EREG: variants seen among roughly 807,000 people sequenced by gnomAD.
EREG encodes the protein epiregulin, also known as proepiregulin.
EREG carries 23 observed loss-of-function variants against 22.4 expected under a neutral mutation model. The observed-to-expected ratio is 1.03, with a 90% CI of 0.74 to 1.46. EREG has a LOEUF of 1.46. Ranked by LOEUF, EREG falls within the 40% of genes most tolerant of loss-of-function variation. EREG has a pLI of 0.00. For missense variants in EREG, 226 were observed against 205.9 expected, an observed-to-expected ratio of 1.10 and a Z score of -0.60; for synonymous variants, 100 against 75.4, an observed-to-expected ratio of 1.33 and a Z score of -1.69.
At chr4:74,375,089 T>C (rs1040755190) in intron 1 of EREG, among the ~76,000 whole-genome samples, 1 of 152,122 alleles carries the variant, frequency 6.6e-6, no homozygotes, top group African/African-American at 2.4e-5. Context: ...TTGACATAGA[T>C]ACTATCTAAA....
chr4:74,379,891 A>G (rs1004244998), intron 2 of EREG, among the ~76,000 whole-genome samples: 5 of 152,170 alleles, frequency 3.3e-5, no homozygotes, highest in African/African-American at 4.8e-5. Context: ...CTTTGTACAG[A>G]ATAGGTTCTC....
chr4:74,378,102 TCAAC>T (rs1486307245), intron 1 of EREG, among the ~76,000 whole-genome samples: 2 of 152,192 alleles, frequency 1.3e-5, no homozygotes, highest in Non-Finnish European at 2.9e-5. Flanking sequence ...CTTAGCTACT[TCAAC>T]GAAACAGGTT....
chr4:74,370,312 T>C (rs1333523958), intron 1 of EREG, among the ~76,000 whole-genome samples: 1 of 152,224 alleles, frequency 6.6e-6, no homozygotes, highest in Non-Finnish European at 1.5e-5. Flanking sequence ...TTATCATTTC[T>C]ATTGTGATAG....
rs1560600619 is a variant in EREG, at chr4:74,384,840, CAG to C, written c.*33_*34del. 1 of 1,333,476 alleles carries C rather than the reference CAG, an allele frequency of 7.5e-7. No homozygotes were observed. Among genetic ancestry groups the C allele is most frequent in the East Asian group, 2.3e-5 (1 of 43,668 alleles). 82.6% of individuals were successfully genotyped at this position (1,333,476 alleles called of 1,614,324 possible). A position where few individuals can be genotyped will look rare whatever the true frequency, so the allele number is the denominator to read the frequency against. ...CCATCAAACTTATGGGCAGGGATAACAGTGTGCCTGGTTAATATTAATATTCC... is the reference window on the plus strand; with the variant it reads ...CCATCAAACTTATGGGCAGGGATAACTGTGCCTGGTTAATATTAATATTCC... On this transcript the variant is annotated 3_prime_UTR_variant, in exon 5 of 5. Transcript: ENST00000244869.
chr4:74,375,049 C>A (rs573381250), intron 1 of EREG, among the ~76,000 whole-genome samples: 52 of 130,846 alleles, frequency 4.0e-4, no homozygotes, highest in African/African-American at 1.8e-3. Flanking sequence ...CCAATGCCAC[C>A]AGACAAGAAA....
intron 1 of EREG, among the ~76,000 whole-genome samples, chr4:74,368,586 C>T (rs1382436288): frequency 6.6e-6 from 1 of 152,304 alleles, no homozygotes; most frequent in Non-Finnish European, 1.5e-5. Flanking sequence ...CATATAATCA[C>T]TTCGGAGAAA....
chr4:74,379,529 C>G lies in EREG; in HGVS notation c.149C>G (p.Ala50Gly). The part of the protein sequence containing the change: ...IPGESSDNCT[A>G]LVQTEDNPRV... ...GGAGAGTCCAGTGATAACTGCACAG[C>G]TTTAGGTAAGCCCAAGTTTGTCAAT... The change falls in exon 2 of 5, where the codon GCT becomes GGT. Residue 50 changes from alanine (A) to glycine (G), a missense_variant. Coordinates refer to ENST00000244869, the MANE Select transcript of EREG (RefSeq NM_001432.3). The G allele has an allele frequency of 6.3e-7, 1 of 1,599,492 alleles. No homozygotes were observed. The highest frequency in any genetic ancestry group is 8.6e-7 in the Non-Finnish European group (1 of 1,166,992).
chr4:74,370,852 A>G (rs1752277818), intron 1 of EREG, among the ~76,000 whole-genome samples: 1 of 152,220 alleles, frequency 6.6e-6, no homozygotes, highest in Admixed American at 6.5e-5. Flanking sequence ...GAGATAAGGC[A>G]GCTCAGTTGC....
intron 1 of EREG, among the ~76,000 whole-genome samples, chr4:74,374,615 C>T (rs1329735767): frequency 6.6e-6 from 1 of 152,198 alleles, no homozygotes; most frequent in Admixed American, 6.5e-5. Context: ...CTACATCTGG[C>T]ATTTTGTCTG....
chr4:74,382,568 G>T (rs1578823104), intron 3 of EREG, 77 bp from the exon 4 acceptor site: 2 of 1,187,228 alleles, frequency 1.7e-6, no homozygotes, highest in Non-Finnish European at 2.4e-6. Context: ...TGTGATGTTA[G>T]TCCTTATAAA....
At chr4:74,375,400 G>C in intron 1 of EREG, among the ~76,000 whole-genome samples, 1 of 128,370 alleles carries the variant, frequency 7.8e-6, no homozygotes, top group East Asian at 2.5e-4. Flanking sequence ...CTCCCTGCAA[G>C]CTCCGCCTCC....
chr4:74,375,645 A>T (rs1297766523), intron 1 of EREG, among the ~76,000 whole-genome samples: 1 of 152,072 alleles, frequency 6.6e-6, no homozygotes, highest in Non-Finnish European at 1.5e-5. Context: ...GCGATTCTTA[A>T]GGTTAACAGG....
chr4:74,378,890 C>T (rs1225560191), intron 1 of EREG, among the ~76,000 whole-genome samples: 4 of 152,184 alleles, frequency 2.6e-5, no homozygotes, highest in African/African-American at 4.8e-5. Flanking sequence ...TGTTCCTCCT[C>T]ATATTAGACA....
chr4:74,366,255 T>TA (rs1752181872), intron 1 of EREG, among the ~76,000 whole-genome samples: 1 of 152,076 alleles, frequency 6.6e-6, no homozygotes, highest in African/African-American at 2.4e-5. Context: ...AATATCTTAA[T>TA]AAAAAAATAA....
intron 1 of EREG, among the ~76,000 whole-genome samples, chr4:74,370,203 C>G (rs981137286): frequency 1.3e-5 from 2 of 152,158 alleles, no homozygotes; most frequent in East Asian, 3.9e-4. Flanking sequence ...TCCATTGCAC[C>G]TTTCCCATTC....
intron 1 of EREG, among the ~76,000 whole-genome samples, chr4:74,375,852 C>A (rs1196498529): frequency 6.6e-6 from 1 of 152,150 alleles, no homozygotes; most frequent in Non-Finnish European, 1.5e-5. Context: ...CACATCCATC[C>A]ATGATGGAAT....
Position 74,365,274 on chromosome 4 carries a change from C to A in EREG, c.-35C>A. ...CTGCCCGTGCACTCTCCGCAGCCGC[C>A]CTCCGCCAAGCCCCAGCGCCCGCTC... is the stretch of plus-strand genomic sequence containing the variant. On this transcript the variant is annotated 5_prime_UTR_variant, in exon 1 of 5. Coordinates refer to ENST00000244869, the MANE Select transcript of EREG (RefSeq NM_001432.3). 2.5e-6 allele frequency: 4 copies of A among 1,575,128 alleles called. No homozygotes were observed. The highest frequency in any genetic ancestry group is 3.5e-6 in the Non-Finnish European group (4 of 1,158,776).
intron 1 of EREG, among the ~76,000 whole-genome samples, chr4:74,376,984 A>T (rs1388993492): frequency 6.6e-6 from 1 of 152,180 alleles, no homozygotes; most frequent in African/African-American, 2.4e-5. Flanking sequence ...TCTCTAACTG[A>T]GAAAAAATAA....
At position 74,365,389 on chromosome 4, in the gene EREG, C is replaced by T. The variant is rs757048212; in HGVS notation, c.67+14C>T. ...TGCTCTGCCTGGGTAAGTTCTCCCC[C>T]TCTGGCTTCCGGCCGCCCCAAAGAG... On this transcript the variant is annotated intron_variant, in intron 1 of 4. Coordinates refer to ENST00000244869, the MANE Select transcript of EREG (RefSeq NM_001432.3). 4 of 1,611,404 alleles carry T rather than the reference C, an allele frequency of 2.5e-6. No homozygotes were observed. Among genetic ancestry groups the T allele is most frequent in the Non-Finnish European group, 3.4e-6 (4 of 1,179,544 alleles).
Sources: gnomAD v4.1 joint callset for allele counts (sites outside exome capture counted in the v4.1 genomes callset) on GRCh38, gnomAD v4.1.1 for gene constraint, MANE v1.5 for transcripts, NCBI Gene and HGNC (gene_info 2026-07-23, HGNC 2026-07-21) for gene names.